The following KCTD1 variants were observed in gnomAD, a reference collection of about 807,000 sequenced individuals.
KCTD1 encodes BTB/POZ domain-containing protein KCTD1.
A neutral mutation model predicts 66.0 loss-of-function variants in KCTD1; 24 were observed. That is an observed-to-expected ratio of 0.36 (90% CI 0.26 to 0.51). The LOEUF is 0.51. Among genes scored for constraint, KCTD1 ranks in the 20% least tolerant of loss-of-function variants. The pLI is 0.95. For missense variants in KCTD1, 943 were observed against 1,205.2 expected (o/e 0.78, Z 3.22); for synonymous variants, 511 against 517.2 (o/e 0.99, Z 0.16).
At chr18:26,456,704 A>T (rs1055133144) in intron 4 of KCTD1, 1 of 152,222 alleles carries the variant, frequency 6.6e-6, no homozygotes, top group Non-Finnish European at 1.5e-5. Context: ...CGCCAGCAAG[A>T]TTCCTGGGTT....
intron 1 of KCTD1, among the ~76,000 whole-genome samples, chr18:26,635,495 A>C (rs897703062): frequency 5.9e-5 from 9 of 152,162 alleles, no homozygotes; most frequent in Non-Finnish European, 1.3e-4. Flanking sequence ...CCTGGAACCT[A>C]ATGTTTGTTT....
At chr18:26,609,395 T>C (rs1987086383) in intron 1 of KCTD1, among the ~76,000 whole-genome samples, 1 of 152,182 alleles carries the variant, frequency 6.6e-6, no homozygotes, top group Admixed American at 6.5e-5. Flanking sequence ...ACGCTGGGAA[T>C]GAAGCAAAAG....
In KCTD1 at chr18:26,489,035, C is replaced by T. The variant is rs532066531; in HGVS notation, c.1988+12037G>A. 6.6e-5 allele frequency among the ~76,000 whole-genome samples: 10 copies of T among 152,288 alleles called. No homozygotes were observed. In the South Asian group the frequency reaches 2.1e-3, roughly 32 times the overall value. On this transcript the variant is annotated intron_variant, in intron 2 of 4. Transcript: ENST00000580059. ...GAAAAACACACACCTCGTAAGATTA[C>T]ACCTGACTCTCATCCCCTGCTCGGA...
chr18:26,650,069 C>T (rs1247072486), intron 1 of KCTD1, among the ~76,000 whole-genome samples: 6 of 152,150 alleles, frequency 3.9e-5, no homozygotes, highest in African/African-American at 9.7e-5. Context: ...GTGCACAGGA[C>T]GACCTCCACA....
intron 1 of KCTD1, among the ~76,000 whole-genome samples, chr18:26,510,595 T>C (rs984495232): frequency 6.6e-6 from 1 of 152,202 alleles, no homozygotes; most frequent in African/African-American, 2.4e-5. Context: ...GAAATATGTA[T>C]CTGAGAAGCT....
intron 1 of KCTD1, among the ~76,000 whole-genome samples, chr18:26,601,362 A>G (rs1986895984): frequency 1.4e-5 from 2 of 147,160 alleles, no homozygotes; most frequent in Non-Finnish European, 3.0e-5. Context: ...AAGAAATTCA[A>G]TTGACCATAA....
In KCTD1 at chr18:26,620,981, C is replaced by T. The variant is rs552253807; in HGVS notation, c.-16+8166G>A. Among the ~76,000 whole-genome samples, 3 of 152,028 alleles carry T rather than the reference C, an allele frequency of 2.0e-5. No individual in the cohort carries two copies. In the South Asian group the frequency reaches 6.2e-4, roughly 32 times the overall value. Reference sequence around the variant, plus strand: ...CCGAGTAGCTGGGACTACAGGCGCCCGCCACCACGCCCGGCTAATTTTTTT... The same window carrying T: ...CCGAGTAGCTGGGACTACAGGCGCCTGCCACCACGCCCGGCTAATTTTTTT... On this transcript the variant is annotated intron_variant, in intron 1 of 4. Transcript: ENST00000317932.
At chr18:26,533,827 TA>T (rs143763803) in intron 1 of KCTD1, among the ~76,000 whole-genome samples, 9,916 of 130,292 alleles carry the variant, frequency 0.076, 462 homozygotes, top group South Asian at 0.16. Context: ...AGCTATTATT[TA>T]AAAAAAAAAA....
At chr18:26,522,747 A>G (rs1983973674) in intron 1 of KCTD1, among the ~76,000 whole-genome samples, 1 of 152,142 alleles carries the variant, frequency 6.6e-6, no homozygotes, top group South Asian at 2.1e-4. Flanking sequence ...CTGAGCACTG[A>G]CTATGTGCCA....
intron 1 of KCTD1, among the ~76,000 whole-genome samples, chr18:26,653,062 C>T (rs1988066097): frequency 6.6e-6 from 1 of 152,210 alleles, no homozygotes; most frequent in Non-Finnish European, 1.5e-5. Flanking sequence ...GCCTGGATGA[C>T]TATAATAGCC....
intron 1 of KCTD1, among the ~76,000 whole-genome samples, chr18:26,532,465 T>C (rs2144780042): frequency 6.6e-6 from 1 of 152,134 alleles, no homozygotes; most frequent in Non-Finnish European, 1.5e-5. Context: ...GGTCTCATTA[T>C]GTTGCCCAGG....
At chr18:26,518,106 A>G (rs1983748825) in intron 1 of KCTD1, among the ~76,000 whole-genome samples, 1 of 152,252 alleles carries the variant, frequency 6.6e-6, no homozygotes, top group South Asian at 2.1e-4. Flanking sequence ...GACACTCAGT[A>G]GGCACGAAAT....
intron 3 of KCTD1, among the ~76,000 whole-genome samples, chr18:26,460,364 C>T (rs1172885035): frequency 6.6e-6 from 1 of 152,202 alleles, no homozygotes; most frequent in East Asian, 1.9e-4. Flanking sequence ...GGATGGAACG[C>T]ATATATTGAC....
rs200587071 is a variant in KCTD1, at chr18:26,501,124, C to T, written c.1936G>A (p.Gly646Ser). 3.1e-6 allele frequency: 5 copies of T among 1,614,128 alleles called. No homozygotes were observed. The highest frequency in any genetic ancestry group is 1.3e-5 in the African/African-American group (1 of 75,016). Residue 646 changes from glycine to serine, a missense_variant, in exon 2 of 5, where the codon GGC becomes AGC. By Grantham distance (56) the Gly-to-Ser change is moderately conservative. Around this residue, in one of 10 missense-constraint regions of KCTD1, gnomAD observed 41 missense variants for 103.8 expected, o/e 0.39. Coordinates refer to ENST00000580059, the MANE Select transcript of KCTD1 (RefSeq NM_001142730.3). ...SNAPVHIDVG[G>S]HMYTSSLATL... Reference sequence around the variant, plus strand: ...GCCAGGCTGCTGGTGTACATGTGGCCGCCCACATCAATGTGGACAGGCGCA... The same window carrying T: ...GCCAGGCTGCTGGTGTACATGTGGCTGCCCACATCAATGTGGACAGGCGCA...
intron 1 of KCTD1, among the ~76,000 whole-genome samples, chr18:26,588,616 T>TG (rs1986524071): frequency 6.6e-6 from 1 of 152,172 alleles, no homozygotes; most frequent in Non-Finnish European, 1.5e-5. Context: ...CTGGTGTGTG[T>TG]GACACCTGTC....
chr18:26,564,938 G>A lies in KCTD1; in HGVS notation c.-15-63688C>T, dbSNP rs1014112247. On this transcript the variant is annotated intron_variant, in intron 1 of 4. Transcript: ENST00000317932. ...GGGTCATAAACACAGCCTGCAATATGTATTCAAAACCAGGCAAAAGGAAAC... is the reference window on the plus strand; with the variant it reads ...GGGTCATAAACACAGCCTGCAATATATATTCAAAACCAGGCAAAAGGAAAC... 2.4e-4 allele frequency among the ~76,000 whole-genome samples: 36 copies of A among 151,684 alleles called. 1 individual carries two copies. The highest frequency in any genetic ancestry group is 8.7e-4 in the African/African-American group (36 of 41,374).
At chr18:26,467,526 T>A (rs1980808339) in intron 3 of KCTD1, among the ~76,000 whole-genome samples, 2 of 144,558 alleles carry the variant, frequency 1.4e-5, no homozygotes, top group South Asian at 2.2e-4. Context: ...TCAAAAAAAA[T>A]TTTTTAAGGC....
At chr18:26,629,206 CAGGCTTG>C (rs1184562367) in exon 1 of KCTD1, 1 of 985,310 alleles carries the variant, frequency 1.0e-6, no homozygotes, top group African/African-American at 1.7e-5. Context: ...GTGTGCAGTG[CAGGCTTG>C]AGGAGAAAAA....
At chr18:26,539,530 C>T (rs552072260) in intron 1 of KCTD1, among the ~76,000 whole-genome samples, 1 of 152,306 alleles carries the variant, frequency 6.6e-6, no homozygotes, top group South Asian at 2.1e-4. Flanking sequence ...ATATTCTACT[C>T]CATAGCTACA....
Sources: gnomAD v4.1 joint callset for allele counts (sites outside exome capture counted in the v4.1 genomes callset) on GRCh38, gnomAD v4.1.1 for gene constraint, gnomAD v4.1.1 regional missense constraint, MANE v1.5 for transcripts, NCBI Gene and HGNC (gene_info 2026-07-23, HGNC 2026-07-21) for gene names.